The following CDHR1 variants were observed in gnomAD, a reference collection of about 807,000 sequenced individuals.
CDHR1 encodes the protein cadherin related family member 1, also known as cadherin-related family member 1.
In CDHR1, 61 loss-of-function variants were observed where a neutral mutation model predicts 72.1. The observed-to-expected ratio is 0.85, with a 90% CI of 0.69 to 1.05. CDHR1 has a LOEUF of 1.05. Ranked by LOEUF, CDHR1 falls within the 50% of genes least tolerant of loss-of-function variation. CDHR1 has a pLI of 0.00. For synonymous variants in CDHR1, 470 were observed against 448.1 expected (o/e 1.05, Z -0.62); for missense variants, 1,186 against 1,115.7 (o/e 1.06, Z -0.90).
In CDHR1 at chr10:84,214,234, C is replaced by T; in HGVS notation, c.2193C>T (p.Asn731=). 6.2e-7 allele frequency: 1 copy of T among 1,614,140 alleles called. No homozygotes were observed. Among genetic ancestry groups the T allele is most frequent in the African/African-American group, 1.3e-5 (1 of 75,062 alleles). The change falls in exon 17 of 17, where the codon AAC becomes AAT. Residue 731 remains asparagine, a synonymous_variant. Transcript: ENST00000623527. ...CCTTCTGGCGCAACAAGAAGTCTAACAAGGTCCTGCCAATGCGGCGGGTGC... is the reference window on the plus strand; with the variant it reads ...CCTTCTGGCGCAACAAGAAGTCTAATAAGGTCCTGCCAATGCGGCGGGTGC... ...TATFWRNKKS[N]KVLPMRRVLR... is the part of the protein sequence containing the mutation.
intron 10 of CDHR1, among the ~76,000 whole-genome samples, chr10:84,207,673 C>G (rs1458565250): frequency 1.3e-5 from 2 of 152,098 alleles, no homozygotes; most frequent in African/African-American, 4.8e-5. Context: ...AAACAATACA[C>G]ATTCATATCT....
Position 84,216,178 on chromosome 10 carries a change from CT to C in CDHR1, c.*1559del. ...GAACAGTTCTTTGCATTTGGCTCTA[CT>C]TACTAACAACCCCTCTAGAATACAT... On this transcript the variant is annotated 3_prime_UTR_variant, in exon 17 of 17. Coordinates refer to ENST00000623527, the MANE Select transcript of CDHR1 (RefSeq NM_033100.4). 1.0e-6 allele frequency: 1 copy of C among 985,464 alleles called. No individual in the cohort carries two copies. The highest frequency in any genetic ancestry group is 1.2e-6 in the Non-Finnish European group (1 of 829,950). 61.0% of individuals were successfully genotyped at this position (985,464 alleles called of 1,614,324 possible).
intron 5 of CDHR1, among the ~76,000 whole-genome samples, chr10:84,199,549 G>A (rs1401318978): frequency 2.0e-5 from 3 of 152,064 alleles, no homozygotes; most frequent in Admixed American, 1.3e-4. Flanking sequence ...CTCATTAATT[G>A]TAAAGTTTGG....
In CDHR1 at chr10:84,214,892, A is replaced by C. The variant is rs373482438; in HGVS notation, c.*271A>C. 2.1e-6 allele frequency: 3 copies of C among 1,408,858 alleles called. No individual in the cohort carries two copies. In the African/African-American group the frequency reaches 4.3e-5, roughly 20 times the overall value. The allele number at this position is 1,408,858 out of a possible 1,614,324, so 87.3% of individuals were successfully genotyped here. A position where few individuals can be genotyped will look rare whatever the true frequency, so the allele number is the denominator to read the frequency against. ...CGTTACTCAAATCCTTGGCACTACTACAATGCCCTCCATTCTTCAGGGCTG... is the reference window on the plus strand; with the variant it reads ...CGTTACTCAAATCCTTGGCACTACTCCAATGCCCTCCATTCTTCAGGGCTG... On this transcript the variant is annotated 3_prime_UTR_variant, in exon 17 of 17. Transcript: ENST00000623527.
intron 2 of CDHR1, 124 bp from the exon 3 acceptor site, chr10:84,196,381 G>A (rs1262520554): frequency 2.9e-6 from 3 of 1,047,476 alleles, no homozygotes; most frequent in African/African-American, 3.1e-5. Context: ...GTTCAGGGCA[G>A]TACCTTTGGC....
chr10:84,204,265 C>T (rs919063231), intron 8 of CDHR1, among the ~76,000 whole-genome samples: 3 of 152,074 alleles, frequency 2.0e-5, no homozygotes, highest in African/African-American at 7.2e-5. Context: ...GTGCAAGAGG[C>T]CTGAGAATCC....
chr10:84,210,930 A>G, intron 12 of CDHR1, 71 bp from the exon 13 acceptor site: 2 of 1,498,658 alleles, frequency 1.3e-6, no homozygotes, highest in Non-Finnish European at 1.9e-6. Flanking sequence ...AGTCCTGGGG[A>G]GATGAGGTGG....
chr10:84,204,496 A>C (rs1336468017), intron 8 of CDHR1, 31 bp from the exon 9 acceptor site: 1 of 1,522,982 alleles, frequency 6.6e-7, no homozygotes, highest in South Asian at 1.1e-5. Flanking sequence ...CATATTGCCC[A>C]TCAGGCAGCG....
At position 84,202,986 on chromosome 10, in the gene CDHR1, G is replaced by T. The variant is rs776317648; in HGVS notation, c.646G>T (p.Gly216Cys). 1 of 1,614,158 alleles carries T rather than the reference G, an allele frequency of 6.2e-7. No individual in the cohort carries two copies. Among genetic ancestry groups the T allele is most frequent in the Non-Finnish European group, 8.5e-7 (1 of 1,180,028 alleles). The change falls in exon 8 of 17, where the codon GGT becomes TGT. Residue 216 changes from glycine to cysteine, a missense_variant. Coordinates refer to ENST00000623527, the MANE Select transcript of CDHR1 (RefSeq NM_033100.4). ...GCCTCCGATTCTTCTGCAGGATGGC[G>T]GTGGGAGGCTTCATGGGGCTGATGT... ...HYITVVAKDG[G>C]GRLHGADVVF...
At chr10:84,197,943 G>A in intron 4 of CDHR1, 107 bp downstream of exon 4, 1 of 1,091,740 alleles carries the variant, frequency 9.2e-7, no homozygotes, top group Non-Finnish European at 1.4e-6. Flanking sequence ...TTTTCTGCAA[G>A]TTTAAGCTAG....
rs3814213 is a variant in CDHR1 at position 84,214,480 on chromosome 10, T to G, written c.2439T>G (p.Thr813=). The change falls in exon 17 of 17, where the codon ACT becomes ACG. Residue 813 remains threonine, a synonymous_variant. Transcript: ENST00000623527. ...STGAAQWTVP[T]VSGSLTPQPT... ...GCGCAGCCCAGTGGACCGTGCCTAC[T>G]GTCTCTGGCTCTCTCACTCCGCAGC... The G allele has an allele frequency of 5.0e-6, 8 of 1,608,996 alleles. No homozygotes were observed. Among genetic ancestry groups the G allele is most frequent in the South Asian group, 2.2e-5 (2 of 91,076 alleles).
downstream of CDHR1, chr10:84,219,144 A>G (rs1465178960): frequency 1.3e-6 from 2 of 1,545,502 alleles, no homozygotes; most frequent in Non-Finnish European, 1.7e-6. Flanking sequence ...TAAGAAAACC[A>G]AAATTTAAGC....
chr10:84,216,753 C>A lies in CDHR1; in HGVS notation c.*2132C>A. 1.0e-6 allele frequency: 1 copy of A among 985,442 alleles called. No homozygotes were observed. The highest frequency in any genetic ancestry group is 1.2e-6 in the Non-Finnish European group (1 of 829,950). 61.0% of individuals were successfully genotyped at this position (985,442 alleles called of 1,614,324 possible). Reference sequence around the variant, plus strand: ...CAGGCCTTGTCTACTGGACTTTTCTCCCAAACAGGACAAGCCCAGGCAGGG... The same window carrying A: ...CAGGCCTTGTCTACTGGACTTTTCTACCAAACAGGACAAGCCCAGGCAGGG... On this transcript the variant is annotated 3_prime_UTR_variant, in exon 17 of 17. Transcript: ENST00000623527.
At chr10:84,194,884 G>T in intron 1 of CDHR1, 69 bp downstream of exon 1, 1 of 1,425,246 alleles carries the variant, frequency 7.0e-7, no homozygotes, top group Non-Finnish European at 9.6e-7. Flanking sequence ...TCACCCAGGT[G>T]GCCAGAGGGA....
At chr10:84,198,252 T>C (rs7098698) in intron 4 of CDHR1, among the ~76,000 whole-genome samples, 105,551 of 152,158 alleles carry the variant, frequency 0.69, 38,055 homozygotes, top group African/African-American at 0.9. Flanking sequence ...CTCCAGGCTC[T>C]CCGACCCCAA....
intron 13 of CDHR1, 135 bp from the exon 14 acceptor site, chr10:84,211,513 C>T: frequency 1.3e-6 from 1 of 796,438 alleles, no homozygotes; most frequent in Non-Finnish European, 2.2e-6. Context: ...GGGCAGGTCT[C>T]TCCACCAATT....
intron 10 of CDHR1, 40 bp from the exon 11 acceptor site, chr10:84,208,133 TC>T (rs753409614): frequency 6.4e-7 from 1 of 1,565,094 alleles, no homozygotes; most frequent in Admixed American, 1.7e-5. Context: ...ATATGAAGGG[TC>T]CACCTGCCAC....
chr10:84,219,063 T>G, downstream of CDHR1: 1 of 858,228 alleles, frequency 1.2e-6, no homozygotes. Flanking sequence ...TGTACTATTA[T>G]TATTCTATTT....
chr10:84,217,932 C>A lies in CDHR1; in HGVS notation c.*3311C>A. 7.1e-6 allele frequency: 7 copies of A among 985,474 alleles called. No individual in the cohort carries two copies. Among genetic ancestry groups the A allele is most frequent in the Non-Finnish European group, 8.4e-6 (7 of 829,958 alleles). The allele number at this position is 985,474 out of a possible 1,614,324, so 61.0% of individuals were successfully genotyped here. On this transcript the variant is annotated 3_prime_UTR_variant, in exon 17 of 17. Coordinates refer to ENST00000623527, the MANE Select transcript of CDHR1 (RefSeq NM_033100.4). ...ACTCTGTCCTCAAGCAGCTGTCCCT[C>A]AGAATCCTGCTAGAAAAGTGTGATC... is the stretch of plus-strand genomic sequence containing the variant.
Sources: allele counts gnomAD v4.1 joint callset (sites outside exome capture counted in the v4.1 genomes callset), GRCh38; gene constraint gnomAD v4.1.1; transcripts MANE v1.5; gene names NCBI Gene and HGNC (gene_info 2026-07-23, HGNC 2026-07-21).